Variants in PLCB1 observed in about 807,000 individuals in gnomAD.
The protein encoded by PLCB1 is 1-phosphatidylinositol 4,5-bisphosphate phosphodiesterase beta-1.
A neutral mutation model predicts 161.8 loss-of-function variants in PLCB1; 46 were observed. The ratio of observed to expected loss-of-function variants is 0.28; its 90% CI spans 0.22 to 0.36. The LOEUF (loss-of-function observed/expected upper bound fraction) is 0.36, where lower values mean the gene tolerates loss of function less well. Among genes scored for constraint, PLCB1 ranks in the 10% least tolerant of loss-of-function variants. The probability of loss-of-function intolerance (pLI) is 1.00; values close to 1 mark genes in which losing one functional copy is unlikely to be tolerated. For missense variants in PLCB1, 1,016 were observed against 1,472.5 expected, an observed-to-expected ratio of 0.69 and a Z score of 5.07; for synonymous variants, 517 against 503.7, an observed-to-expected ratio of 1.03 and a Z score of -0.35.
intron 3 of PLCB1, among the ~76,000 whole-genome samples, chr20:8,415,043 C>T (rs111881792): frequency 6.6e-6 from 1 of 152,320 alleles, no homozygotes; most frequent in South Asian, 2.1e-4. Flanking sequence ...ACTGAGAATT[C>T]TTTATTGTTA....
intron 2 of PLCB1, among the ~76,000 whole-genome samples, chr20:8,335,246 A>G (rs1040469394): frequency 6.6e-6 from 1 of 152,206 alleles, no homozygotes; most frequent in Non-Finnish European, 1.5e-5. Flanking sequence ...GGAGGTGACA[A>G]GCTGGGACTT....
intron 3 of PLCB1, among the ~76,000 whole-genome samples, chr20:8,466,590 C>A (rs6140622): frequency 6.6e-6 from 1 of 152,104 alleles, no homozygotes; most frequent in Non-Finnish European, 1.5e-5. Flanking sequence ...ACAATTGAGC[C>A]TATAATCAGC....
intron 2 of PLCB1, among the ~76,000 whole-genome samples, chr20:8,269,043 T>A (rs992617198): frequency 6.0e-4 from 1 of 1,664 alleles, no homozygotes; most frequent in Non-Finnish European, 0.045. Flanking sequence ...TCTACCTGGC[T>A]CTGCACTTAT....
intron 3 of PLCB1, among the ~76,000 whole-genome samples, chr20:8,490,910 G>A (rs187638363): frequency 2.1e-5 from 3 of 143,624 alleles, no homozygotes; most frequent in Non-Finnish European, 4.7e-5. Flanking sequence ...ATATATATGT[G>A]TACATATATA....
rs1978863734 is a variant in PLCB1, at chr20:8,212,245, T to C, written c.177+61874T>C. On this transcript the variant is annotated intron_variant, in intron 2 of 31. Coordinates refer to ENST00000338037, the MANE Select transcript of PLCB1 (RefSeq NM_015192.4). ...AAAGCCTGATTTTTGTTTTGCTTTA[T>C]TTTCAAGCAAATCAAAACTTCTTCA... Among the ~76,000 whole-genome samples the C allele has an allele frequency of 2.6e-5, 4 of 152,298 alleles. No homozygotes were observed. The South Asian group carries it at 8.3e-4, about 32-fold the overall frequency.
intron 12 of PLCB1, 97 bp downstream of exon 12, chr20:8,708,849 GT>G (rs1458465155): frequency 1.4e-6 from 1 of 731,986 alleles, no homozygotes; most frequent in African/African-American, 1.8e-5. Flanking sequence ...ATGATTAATG[GT>G]GTTCTTCAAT....
intron 31 of PLCB1, among the ~76,000 whole-genome samples, chr20:8,840,847 T>C (rs6140745): frequency 0.32 from 48,581 of 151,872 alleles, 8,756 homozygotes; most frequent in East Asian, 0.63. Context: ...GATGGAGTTT[T>C]GCTCTTGTCA....
chr20:8,373,879 C>A (rs1464275511), intron 3 of PLCB1, among the ~76,000 whole-genome samples: 2 of 152,116 alleles, frequency 1.3e-5, no homozygotes, highest in East Asian at 3.8e-4. Flanking sequence ...TTAAAATCTT[C>A]AAATTTCCAG....
intron 13 of PLCB1, among the ~76,000 whole-genome samples, chr20:8,717,284 C>T (rs922747297): frequency 6.6e-6 from 1 of 152,202 alleles, no homozygotes; most frequent in East Asian, 1.9e-4. Context: ...CCCGTCTTTA[C>T]CAACTCCTCC....
chr20:8,281,054 TA>T (rs1209936677), intron 2 of PLCB1, among the ~76,000 whole-genome samples: 5 of 152,186 alleles, frequency 3.3e-5, no homozygotes, highest in Non-Finnish European at 7.3e-5. Flanking sequence ...TATGGCTACA[TA>T]AAAAAATTAA....
chr20:8,593,758 C>G (rs538637805), intron 3 of PLCB1, among the ~76,000 whole-genome samples: 1 of 151,596 alleles, frequency 6.6e-6, no homozygotes, highest in East Asian at 1.9e-4. Context: ...TTTTATATAC[C>G]AGGAATTTTA....
In PLCB1 at chr20:8,774,587, C is replaced by T. The variant is rs148394888; in HGVS notation, c.2979C>T (p.Asp993=). The T allele has an allele frequency of 5.0e-6, 8 of 1,613,688 alleles. No individual in the cohort carries two copies. The African/African-American group carries it at 9.3e-5, about 19-fold the overall frequency. ...PDHGSSTIEQ[D]LAALDAEMTQ... ...ATGGTTCATCAACGATTGAGCAAGA[C>T]CTCGCTGCTCTGGATGCTGAAATGA... The change falls in exon 27 of 32, where the codon GAC becomes GAT. Residue 993 remains aspartate, a synonymous_variant. Transcript: ENST00000338037.
At chr20:8,790,340 TAA>T (rs1983693390) in intron 31 of PLCB1, 79 bp downstream of exon 31, 1 of 1,051,334 alleles carries the variant, frequency 9.5e-7, no homozygotes, top group Non-Finnish European at 1.4e-6. Flanking sequence ...CTGGTTTACA[TAA>T]GTACCTTGTA....
At chr20:8,771,032 A>T (rs1982650110) in intron 26 of PLCB1, among the ~76,000 whole-genome samples, 1 of 152,210 alleles carries the variant, frequency 6.6e-6, no homozygotes. Flanking sequence ...GAGAAACAAC[A>T]CACATGCGTA....
chr20:8,831,623 C>T (rs990620272), intron 31 of PLCB1, among the ~76,000 whole-genome samples: 5 of 151,932 alleles, frequency 3.3e-5, no homozygotes, highest in African/African-American at 1.2e-4. Flanking sequence ...TAAAAGTTTT[C>T]GTTGTTACTT....
chr20:8,815,734 A>C (rs1002685647), intron 31 of PLCB1, among the ~76,000 whole-genome samples: 2 of 152,228 alleles, frequency 1.3e-5, no homozygotes, highest in African/African-American at 4.8e-5. Context: ...AGATCTAGAA[A>C]TATCTGACTA....
At chr20:8,229,460 AGCCAGTACTCACAT>A (rs1444666355) in intron 2 of PLCB1, among the ~76,000 whole-genome samples, 1 of 152,182 alleles carries the variant, frequency 6.6e-6, no homozygotes, top group Admixed American at 6.5e-5. Context: ...CCAATACTAT[AGCCAGTACTCACAT>A]GCAGATGTTT....
chr20:8,681,640 T>C (rs1990224505), intron 9 of PLCB1, among the ~76,000 whole-genome samples: 1 of 152,206 alleles, frequency 6.6e-6, no homozygotes, highest in Non-Finnish European at 1.5e-5. Flanking sequence ...GTATGCACAC[T>C]CATCCAGCAG....
chr20:8,514,983 A>G (rs1319300824), intron 3 of PLCB1, among the ~76,000 whole-genome samples: 1 of 152,164 alleles, frequency 6.6e-6, no homozygotes, highest in Non-Finnish European at 1.5e-5. Flanking sequence ...TGGCCTACAC[A>G]CTACTCTTTG....
Sources: allele counts gnomAD v4.1 joint callset (sites outside exome capture counted in the v4.1 genomes callset), GRCh38; gene constraint gnomAD v4.1.1; transcripts MANE v1.5; gene names NCBI Gene and HGNC (gene_info 2026-07-23, HGNC 2026-07-21).